RAPGEF2: variants seen among roughly 807,000 people sequenced by gnomAD.
The protein encoded by RAPGEF2 is Rap guanine nucleotide exchange factor 2.
A neutral mutation model predicts 186.7 loss-of-function variants in RAPGEF2; 54 were observed. That is an observed-to-expected ratio of 0.29 (90% CI 0.23 to 0.36). The LOEUF (loss-of-function observed/expected upper bound fraction) is 0.36, where lower values mean the gene tolerates loss of function less well. RAPGEF2 is among the 10% of genes least tolerant of loss of function. RAPGEF2 has a pLI of 1.00. For missense variants in RAPGEF2, 1,532 were observed against 2,045.0 expected, an observed-to-expected ratio of 0.75 and a Z score of 4.84; for synonymous variants, 712 against 705.9, an observed-to-expected ratio of 1.01 and a Z score of -0.14.
intron 1 of RAPGEF2, among the ~76,000 whole-genome samples, chr4:159,135,713 C>A (rs750291568): frequency 9.9e-5 from 15 of 152,086 alleles, no homozygotes; most frequent in Non-Finnish European, 1.9e-4. Flanking sequence ...GATTTTCCAG[C>A]CTCAGCCTCC....
intron 7 of RAPGEF2, among the ~76,000 whole-genome samples, chr4:159,245,121 TATG>T (rs2111489161): frequency 6.6e-6 from 1 of 152,136 alleles, no homozygotes; most frequent in East Asian, 1.9e-4. Context: ...CGCACTGAGT[TATG>T]ATGTATACTT....
intron 4 of RAPGEF2, among the ~76,000 whole-genome samples, chr4:159,231,343 CTG>C (rs1404376758): frequency 6.6e-6 from 1 of 151,946 alleles, no homozygotes; most frequent in African/African-American, 2.4e-5. Context: ...CAATGCATGA[CTG>C]TATGTTAATA....
At chr4:159,141,959 G>C (rs887612085) in intron 1 of RAPGEF2, among the ~76,000 whole-genome samples, 5 of 152,186 alleles carry the variant, frequency 3.3e-5, no homozygotes, top group Non-Finnish European at 7.4e-5. Context: ...AAGTATCTCA[G>C]TGTATCACTG....
At chr4:159,320,826 A>C (rs1765152193) in intron 9 of RAPGEF2, among the ~76,000 whole-genome samples, 1 of 152,138 alleles carries the variant, frequency 6.6e-6, no homozygotes, top group Non-Finnish European at 1.5e-5. Flanking sequence ...AGATAAAAGG[A>C]ATGTATATAG....
At chr4:159,347,576 A>C (rs753881735) in intron 25 of RAPGEF2, among the ~76,000 whole-genome samples, 15 of 152,086 alleles carry the variant, frequency 9.9e-5, no homozygotes, top group Non-Finnish European at 1.6e-4. Context: ...CGAGGTCAGG[A>C]GATCCAGACC....
Position 159,354,031 on chromosome 4 carries a change from A to G in RAPGEF2, c.4636A>G (p.Thr1546Ala). The G allele has an allele frequency of 6.3e-7, 1 of 1,574,824 alleles. No homozygotes were observed. The stretch of plus-strand genomic sequence containing the variant: ...CCACATAGCTGTGGCATCAAGTACT[A>G]CAAAGGGGCTCATTGGTAAGTTTTA... ...PAHIAVASST[T>A]KGLIARKEGR... is the part of the protein sequence containing the mutation. Residue 1546 changes from threonine to alanine, a missense_variant, in exon 28 of 30, where the codon ACA (threonine) becomes GCA (alanine). Thr to Ala is a moderately conservative substitution (Grantham distance 58). Transcript: ENST00000691494.
chr4:159,251,907 C>G (rs1475283972), intron 7 of RAPGEF2, among the ~76,000 whole-genome samples: 1 of 151,876 alleles, frequency 6.6e-6, no homozygotes, highest in Non-Finnish European at 1.5e-5. Context: ...TGCTGCGGCT[C>G]ACGCTTTGGG....
intron 17 of RAPGEF2, among the ~76,000 whole-genome samples, chr4:159,334,238 T>C (rs1039535862): frequency 3.9e-5 from 6 of 152,292 alleles, no homozygotes; most frequent in African/African-American, 1.4e-4. Context: ...ATTACCTAAA[T>C]GCAGATTTTT....
chr4:159,301,225 T>G (rs986051007), intron 7 of RAPGEF2, among the ~76,000 whole-genome samples: 1 of 151,760 alleles, frequency 6.6e-6, no homozygotes, highest in African/African-American at 2.4e-5. Flanking sequence ...AAAGAAAAAT[T>G]AGCCGGGGTC....
intron 7 of RAPGEF2, among the ~76,000 whole-genome samples, chr4:159,294,634 TCTTC>T (rs1207452261): frequency 0.17 from 22,096 of 132,714 alleles, 2,113 homozygotes; most frequent in Non-Finnish European, 0.22. Flanking sequence ...AGCTTCCATT[TCTTC>T]CTTCCTTCCT....
At chr4:159,276,726 C>T (rs1049646911) in intron 7 of RAPGEF2, among the ~76,000 whole-genome samples, 2 of 151,606 alleles carry the variant, frequency 1.3e-5, no homozygotes, top group Non-Finnish European at 2.9e-5. Flanking sequence ...ATTTCTTTAC[C>T]GTTCATTGTC....
chr4:159,167,278 T>C (rs1410332757), intron 1 of RAPGEF2, among the ~76,000 whole-genome samples: 1 of 152,170 alleles, frequency 6.6e-6, no homozygotes, highest in African/African-American at 2.4e-5. Context: ...GGAAATTTAG[T>C]GTGAAGTTTA....
intron 1 of RAPGEF2, among the ~76,000 whole-genome samples, chr4:159,139,011 G>T (rs1458902171): frequency 6.6e-6 from 1 of 152,210 alleles, no homozygotes; most frequent in Admixed American, 6.5e-5. Context: ...ATCTGACTAG[G>T]TAACATTTTC....
At chr4:159,176,254 G>A (rs1470436023) in intron 1 of RAPGEF2, among the ~76,000 whole-genome samples, 1 of 152,136 alleles carries the variant, frequency 6.6e-6, no homozygotes, top group South Asian at 2.1e-4. Context: ...TTGGAACGAG[G>A]TGGTTTGAAC....
chr4:159,164,384 T>A (rs1745077932), intron 1 of RAPGEF2, among the ~76,000 whole-genome samples: 1 of 151,792 alleles, frequency 6.6e-6, no homozygotes, highest in Non-Finnish European at 1.5e-5. Flanking sequence ...AAGAACAAAT[T>A]TGAATGAATG....
chr4:159,163,130 T>C (rs1744899781), intron 1 of RAPGEF2, among the ~76,000 whole-genome samples: 1 of 152,224 alleles, frequency 6.6e-6, no homozygotes. Flanking sequence ...CTAGTAGGTA[T>C]TTATCCTTAC....
At chr4:159,330,631 A>G in intron 13 of RAPGEF2, 133 bp downstream of exon 13, 2 of 601,396 alleles carry the variant, frequency 3.3e-6, no homozygotes, top group Non-Finnish European at 5.4e-6. Flanking sequence ...TGAAGCAAAA[A>G]AAAACAAAAA....
chr4:159,179,855 A>G (rs148173453), intron 1 of RAPGEF2, among the ~76,000 whole-genome samples: 2 of 152,248 alleles, frequency 1.3e-5, no homozygotes, highest in Non-Finnish European at 2.9e-5. Context: ...TGCTGCCTGA[A>G]ATCTCATACC....
chr4:159,177,334 CT>C (rs1039237559), intron 1 of RAPGEF2, among the ~76,000 whole-genome samples: 3 of 151,376 alleles, frequency 2.0e-5, no homozygotes, highest in Non-Finnish European at 4.4e-5. Context: ...ATTACTTGTG[CT>C]TTTATTCAGA....
Sources: gnomAD v4.1 joint callset for allele counts (sites outside exome capture counted in the v4.1 genomes callset) on GRCh38, gnomAD v4.1.1 for gene constraint, MANE v1.5 for transcripts, NCBI Gene and HGNC (gene_info 2026-07-23, HGNC 2026-07-21) for gene names.